JAK2: variants seen among roughly 807,000 people sequenced by gnomAD.
JAK2 encodes Janus kinase 2.
A neutral mutation model predicts 139.3 loss-of-function variants in JAK2; 86 were observed. The ratio of observed to expected loss-of-function variants is 0.62; its 90% CI spans 0.52 to 0.74. The LOEUF (loss-of-function observed/expected upper bound fraction) is 0.74, where lower values mean the gene tolerates loss of function less well. Among genes scored for constraint, JAK2 ranks in the 30% least tolerant of loss-of-function variants. The pLI is 0.00. For synonymous variants in JAK2, 490 were observed against 437.7 expected (o/e 1.12, Z -1.49); for missense variants, 1,421 against 1,360.3 (o/e 1.04, Z -0.70).
chr9:4,989,512 T>A (rs1445957463), intron 2 of JAK2, among the ~76,000 whole-genome samples: 1 of 152,156 alleles, frequency 6.6e-6, no homozygotes, highest in African/African-American at 2.4e-5. Flanking sequence ...ACATGTTGAT[T>A]GTGTGATAAG....
chr9:5,085,304 A>G, intron 19 of JAK2: 1 of 731,882 alleles, frequency 1.4e-6, no homozygotes, highest in Non-Finnish European at 2.6e-6. Context: ...CATGAGGTGA[A>G]GTCGAATACA....
chr9:4,987,278 T>C (rs1447400157), intron 2 of JAK2, among the ~76,000 whole-genome samples: 1 of 152,166 alleles, frequency 6.6e-6, no homozygotes. Context: ...GTGCCTTTGG[T>C]GATTTGAGAC....
In JAK2 at chr9:5,069,164, A is replaced by G. The variant is rs202047673; in HGVS notation, c.1469A>G (p.Asn490Ser). 2.5e-6 allele frequency: 4 copies of G among 1,611,052 alleles called. No homozygotes were observed. The highest frequency in any genetic ancestry group is 2.2e-5 in the East Asian group (1 of 44,728). Residue 490 changes from asparagine (N) to serine (S), a missense_variant, in exon 11 of 25, where the codon AAT (asparagine) becomes AGT (serine). Coordinates refer to ENST00000381652, the MANE Select transcript of JAK2 (RefSeq NM_004972.4). ...CYQMETVRSD[N>S]IIFQFTKCCP... Reference sequence around the variant, plus strand: ...CAGATGGAAACTGTTCGCTCAGACAATATAATTTTCCAGTTTACTAAATGC... The same window carrying G: ...CAGATGGAAACTGTTCGCTCAGACAGTATAATTTTCCAGTTTACTAAATGC...
At chr9:5,106,424 TAGG>T (rs1251418739) in intron 22 of JAK2, among the ~76,000 whole-genome samples, 1 of 152,108 alleles carries the variant, frequency 6.6e-6, no homozygotes, top group Non-Finnish European at 1.5e-5. Context: ...TGTGGCGAAA[TAGG>T]AACACTTTCA....
At position 5,114,520 on chromosome 9, in the gene JAK2, A is replaced by G. The variant is rs1586826194; in HGVS notation, c.3060-8484A>G. The G allele has an allele frequency of 8.5e-6, 4 of 469,892 alleles. No individual in the cohort carries two copies. The East Asian group carries it at 2.2e-4, about 26-fold the overall frequency. The allele number at this position is 469,892 out of a possible 1,614,324, so 29.1% of individuals were successfully genotyped here. A position where few individuals can be genotyped will look rare whatever the true frequency, so the allele number is the denominator to read the frequency against. ...CAGGTCTACGTGTTTGCAACGCTAG[A>G]AGAGCCGAGGAACCAGGACAAGCGC... On this transcript the variant is annotated intron_variant, in intron 22 of 24. Coordinates refer to ENST00000381652, the MANE Select transcript of JAK2 (RefSeq NM_004972.4).
chr9:5,046,956 C>T (rs1413651520), intron 5 of JAK2, among the ~76,000 whole-genome samples: 1 of 152,100 alleles, frequency 6.6e-6, no homozygotes, highest in African/African-American at 2.4e-5. Context: ...AATATTAATA[C>T]TGCAATGTCT....
chr9:5,078,414 G>A lies in JAK2; in HGVS notation c.2101G>A (p.Gly701Ser), dbSNP rs1819459210. The change falls in exon 16 of 25, where the codon GGC (glycine) becomes AGC (serine). Residue 701 changes from glycine to serine, a missense_variant. Transcript: ENST00000381652. ...NPPFIKLSDP[G>S]ISITVLPKDI... ...TCCTTTCATCAAACTTAGTGATCCT[G>A]GCATTAGTATTACAGTTTTGCCAAA... 21 of 1,612,844 alleles carry A rather than the reference G, an allele frequency of 1.3e-5. No individual in the cohort carries two copies. The highest frequency in any genetic ancestry group is 2.2e-5 in the East Asian group (1 of 44,756).
At chr9:5,057,319 TGTTA>T (rs1017934175) in intron 8 of JAK2, among the ~76,000 whole-genome samples, 1 of 152,146 alleles carries the variant, frequency 6.6e-6, no homozygotes, top group Non-Finnish European at 1.5e-5. Context: ...GTGTATTATG[TGTTA>T]GTAACATTTT....
intron 12 of JAK2, 89 bp downstream of exon 12, chr9:5,070,141 A>C: frequency 1.2e-6 from 1 of 859,646 alleles, no homozygotes; most frequent in Non-Finnish European, 1.7e-6. Flanking sequence ...CATTGGAATT[A>C]TTTTGTTATA....
At chr9:5,096,804 C>G (rs1821029900) in intron 22 of JAK2, 1 of 152,164 alleles carries the variant, frequency 6.6e-6, no homozygotes, top group Non-Finnish European at 1.5e-5. Flanking sequence ...ACCAGGAACT[C>G]TGCTAGGAGA....
chr9:5,052,017 T>C (rs1817448805), intron 6 of JAK2, among the ~76,000 whole-genome samples: 2 of 152,176 alleles, frequency 1.3e-5, no homozygotes, highest in African/African-American at 4.8e-5. Context: ...GAATACTTGC[T>C]GTATGCCAGG....
At chr9:5,001,461 A>G (rs1384232242) in intron 2 of JAK2, among the ~76,000 whole-genome samples, 1 of 152,144 alleles carries the variant, frequency 6.6e-6, no homozygotes, top group Non-Finnish European at 1.5e-5. Flanking sequence ...GTTTTGCTCC[A>G]TTATTCTGTT....
chr9:5,091,073 G>A (rs1820536889), intron 22 of JAK2, 162 bp downstream of exon 22: 1 of 529,512 alleles, frequency 1.9e-6, no homozygotes, highest in African/African-American at 2.0e-5. Context: ...TATAGTCATG[G>A]TTATAGTCCA....
intron 2 of JAK2, among the ~76,000 whole-genome samples, chr9:4,994,363 G>A (rs1271158173): frequency 2.0e-5 from 3 of 152,140 alleles, no homozygotes; most frequent in Non-Finnish European, 4.4e-5. Flanking sequence ...ATTACCTAAA[G>A]GACTTATTGA....
At chr9:5,026,544 C>G (rs1822794451) in intron 3 of JAK2, among the ~76,000 whole-genome samples, 1 of 152,020 alleles carries the variant, frequency 6.6e-6, no homozygotes, top group African/African-American at 2.4e-5. Context: ...GAATAAAATA[C>G]TTTTGTGTTC....
In JAK2 at chr9:5,090,745, G is replaced by A. The variant is rs777347106; in HGVS notation, c.2893G>A (p.Glu965Lys). The A allele has an allele frequency of 2.7e-5, 44 of 1,602,296 alleles. No individual in the cohort carries two copies. Among genetic ancestry groups the A allele is most frequent in the Non-Finnish European group, 3.4e-5 (40 of 1,176,886 alleles). Residue 965 changes from glutamate to lysine, a missense_variant, in exon 22 of 25, where the codon GAG becomes AAG. By Grantham distance (56) the Glu-to-Lys change is moderately conservative. Coordinates refer to ENST00000381652, the MANE Select transcript of JAK2 (RefSeq NM_004972.4). ...QYTSQICKGMEYLGTKRYIHR... is the reference protein window; with the variant it reads ...QYTSQICKGMKYLGTKRYIHR... Reference sequence around the variant, plus strand: ...AAAAATGTTTTATCCATAGGGTATGGAGTATCTTGGTACAAAAAGGTATAT... The same window carrying A: ...AAAAATGTTTTATCCATAGGGTATGAAGTATCTTGGTACAAAAAGGTATAT...
chr9:4,994,176 A>G (rs1279738644), intron 2 of JAK2, among the ~76,000 whole-genome samples: 1 of 152,146 alleles, frequency 6.6e-6, no homozygotes, highest in Non-Finnish European at 1.5e-5. Context: ...TAGAAGTTTG[A>G]TGATGTTTTT....
At chr9:5,068,648 G>T (rs1435302444) in intron 10 of JAK2, among the ~76,000 whole-genome samples, 3 of 152,204 alleles carry the variant, frequency 2.0e-5, no homozygotes, top group African/African-American at 7.2e-5. Flanking sequence ...GTTGTATGTT[G>T]GCAGTGGCAG....
intron 19 of JAK2, 31 bp from the exon 20 acceptor site, chr9:5,089,643 T>C (rs375211853): frequency 5.0e-6 from 6 of 1,200,216 alleles, no homozygotes; most frequent in African/African-American, 1.6e-5. Flanking sequence ...GAAAACTTGG[T>C]ATTTCCATCC....
Sources: gnomAD v4.1 joint callset for allele counts (sites outside exome capture counted in the v4.1 genomes callset) on GRCh38, gnomAD v4.1.1 for gene constraint, MANE v1.5 for transcripts, NCBI Gene and HGNC (gene_info 2026-07-23, HGNC 2026-07-21) for gene names.